SH3BGRL2: variants seen among roughly 807,000 people sequenced by gnomAD.
SH3BGRL2 encodes the protein SH3 domain binding glutamate rich protein like 2.
A neutral mutation model predicts 14.8 loss-of-function variants in SH3BGRL2; 21 were observed. The observed-to-expected ratio is 1.42, with a 90% CI of 1.01 to 2.05. The LOEUF (loss-of-function observed/expected upper bound fraction) is 2.05. Ranked by LOEUF, SH3BGRL2 falls within the 30% of genes most tolerant of loss-of-function variation. The pLI, the probability that SH3BGRL2 is intolerant of heterozygous loss-of-function variation, is 0.00. For missense variants in SH3BGRL2, 147 were observed against 130.8 expected (o/e 1.12, Z -0.61); for synonymous variants, 50 against 47.8 (o/e 1.05, Z -0.19).
At chr6:79,592,080 G>A in the SH3BGRL2 span, among the ~76,000 whole-genome samples, 1 of 152,060 alleles carries the variant, frequency 6.6e-6, no homozygotes, top group Non-Finnish European at 1.5e-5. Flanking sequence ...CTCTAATAGA[G>A]ATGATAAAAG....
At chr6:79,695,804 G>C (rs1188151247) in intron 2 of SH3BGRL2, among the ~76,000 whole-genome samples, 1 of 152,104 alleles carries the variant, frequency 6.6e-6, no homozygotes, top group Admixed American at 6.6e-5. Flanking sequence ...TTTTAAGACT[G>C]CTTTACATAT....
At chr6:79,623,684 A>C in the SH3BGRL2 span, among the ~76,000 whole-genome samples, 1 of 152,224 alleles carries the variant, frequency 6.6e-6, no homozygotes, top group Non-Finnish European at 1.5e-5. Context: ...TTTTACTTTC[A>C]GGAAAAATTT....
the SH3BGRL2 span, among the ~76,000 whole-genome samples, chr6:79,585,932 A>T: frequency 6.6e-6 from 1 of 152,056 alleles, no homozygotes; most frequent in African/African-American, 2.4e-5. Flanking sequence ...GCAGTGGCTC[A>T]CACCTGTAAT....
At chr6:79,666,979 C>T (rs1431025974) in intron 1 of SH3BGRL2, among the ~76,000 whole-genome samples, 1 of 152,214 alleles carries the variant, frequency 6.6e-6, no homozygotes, top group Admixed American at 6.5e-5. Context: ...GTGAATGAAA[C>T]AATTGAGCAG....
At chr6:79,644,580 G>A (rs12212756) in intron 1 of SH3BGRL2, among the ~76,000 whole-genome samples, 42,898 of 152,052 alleles carry the variant, frequency 0.28, 6,557 homozygotes, top group South Asian at 0.44. Flanking sequence ...TGTGATACAA[G>A]GGCAGTGATG....
At chr6:79,612,786 C>G in the SH3BGRL2 span, among the ~76,000 whole-genome samples, 1 of 152,198 alleles carries the variant, frequency 6.6e-6, no homozygotes, top group Admixed American at 6.5e-5. Context: ...GCCCACTTTG[C>G]TCAGTGTTTA....
chr6:79,691,835 T>G (rs1770223797), intron 2 of SH3BGRL2, among the ~76,000 whole-genome samples: 1 of 150,684 alleles, frequency 6.6e-6, no homozygotes, highest in African/African-American at 2.5e-5. Flanking sequence ...TGTGTCTTTA[T>G]AGCAGCATGA....
chr6:79,647,228 G>A (rs991919643), intron 1 of SH3BGRL2, among the ~76,000 whole-genome samples: 1 of 151,920 alleles, frequency 6.6e-6, no homozygotes, highest in African/African-American at 2.4e-5. Context: ...TTTCATTGTA[G>A]CACTTTTAGA....
At chr6:79,553,331 A>T in the SH3BGRL2 span, among the ~76,000 whole-genome samples, 24,038 of 152,178 alleles carry the variant, frequency 0.16, 2,102 homozygotes, top group South Asian at 0.22. Context: ...GATTCCAGTG[A>T]ACTTCTTCAA....
At chr6:79,581,960 C>T in the SH3BGRL2 span, among the ~76,000 whole-genome samples, 16 of 152,216 alleles carry the variant, frequency 1.1e-4, no homozygotes, top group Middle Eastern at 3.4e-3. Flanking sequence ...AATCAATGTG[C>T]AAAAATCACA....
At chr6:79,595,548 TTAATA>T in the SH3BGRL2 span, among the ~76,000 whole-genome samples, 2 of 152,128 alleles carry the variant, frequency 1.3e-5, no homozygotes, top group Non-Finnish European at 2.9e-5. Context: ...CTGAAATCAA[TTAATA>T]TAATACACCA....
At chr6:79,555,571 C>A in the SH3BGRL2 span, among the ~76,000 whole-genome samples, 1 of 152,166 alleles carries the variant, frequency 6.6e-6, no homozygotes, top group Admixed American at 6.5e-5. Context: ...AGTGCAGTAG[C>A]GTGATCTCGG....
At chr6:79,560,164 A>G in the SH3BGRL2 span, among the ~76,000 whole-genome samples, 9 of 152,310 alleles carry the variant, frequency 5.9e-5, no homozygotes, top group South Asian at 1.9e-3. Flanking sequence ...AATAAGAAGT[A>G]ATCTTCGAAT....
At chr6:79,679,913 A>G (rs1037277303) in intron 2 of SH3BGRL2, among the ~76,000 whole-genome samples, 2 of 152,106 alleles carry the variant, frequency 1.3e-5, no homozygotes, top group African/African-American at 4.8e-5. Context: ...TTCTTTGCCC[A>G]TTTTAAAATT....
chr6:79,638,157 T>C (rs1281919753), intron 1 of SH3BGRL2, among the ~76,000 whole-genome samples: 1 of 152,196 alleles, frequency 6.6e-6, no homozygotes, highest in Admixed American at 6.5e-5. Flanking sequence ...TGGAAATATC[T>C]TACAATGCTA....
the SH3BGRL2 span, among the ~76,000 whole-genome samples, chr6:79,541,168 G>T: frequency 6.6e-6 from 1 of 152,198 alleles, no homozygotes; most frequent in East Asian, 1.9e-4. Flanking sequence ...CAGGAGAATT[G>T]CTTGAACCTG....
intron 1 of SH3BGRL2, among the ~76,000 whole-genome samples, chr6:79,635,199 T>C (rs1240326886): frequency 2.0e-5 from 3 of 152,172 alleles, no homozygotes; most frequent in Non-Finnish European, 4.4e-5. Context: ...TCTCAAAATG[T>C]AAATAAAATC....
chr6:79,630,521 G>A (rs922206561), upstream of SH3BGRL2, among the ~76,000 whole-genome samples: 5 of 152,080 alleles, frequency 3.3e-5, no homozygotes, highest in African/African-American at 1.2e-4. Flanking sequence ...CATCCTCCTG[G>A]GAAACTGCGC....
chr6:79,660,749 G>A (rs1429807606), intron 1 of SH3BGRL2, among the ~76,000 whole-genome samples: 1 of 152,140 alleles, frequency 6.6e-6, no homozygotes, highest in African/African-American at 2.4e-5. Flanking sequence ...GTAGAATTTG[G>A]CTGTGAATCG....
Sources: allele counts gnomAD v4.1 joint callset (sites outside exome capture counted in the v4.1 genomes callset), GRCh38; gene constraint gnomAD v4.1.1; transcripts MANE v1.5; gene names NCBI Gene and HGNC (gene_info 2026-07-23, HGNC 2026-07-21).